Variants in PRKD1 observed in about 807,000 individuals in gnomAD.
The protein encoded by PRKD1 is serine/threonine-protein kinase D1.
Under a neutral mutation model 95.9 loss-of-function variants are expected in PRKD1, and 63 were observed. The observed-to-expected ratio is 0.66, with a 90% CI of 0.54 to 0.81. PRKD1 has a LOEUF of 0.81. PRKD1 is among the 30% of genes least tolerant of loss of function. PRKD1 has a pLI of 0.00. For missense variants in PRKD1, 1,048 were observed against 1,165.3 expected (o/e 0.90, Z 1.47); for synonymous variants, 425 against 423.1 (o/e 1.00, Z -0.05).
At chr14:29,822,850 C>G (rs1442598649) in intron 1 of PRKD1, among the ~76,000 whole-genome samples, 1 of 152,028 alleles carries the variant, frequency 6.6e-6, no homozygotes, top group African/African-American at 2.4e-5. Flanking sequence ...AGTTCAGTCC[C>G]ACAACATTCT....
At chr14:29,608,205 CTT>C (rs1351266647) in intron 13 of PRKD1, among the ~76,000 whole-genome samples, 1 of 151,916 alleles carries the variant, frequency 6.6e-6, no homozygotes, top group Non-Finnish European at 1.5e-5. Flanking sequence ...AAGACAGTAT[CTT>C]TATTTGTGAA....
chr14:29,822,303 C>T (rs1890945183), intron 1 of PRKD1, among the ~76,000 whole-genome samples: 1 of 152,170 alleles, frequency 6.6e-6, no homozygotes, highest in African/African-American at 2.4e-5. Flanking sequence ...CTATAGAATC[C>T]TTCAAGTGGT....
intron 13 of PRKD1, among the ~76,000 whole-genome samples, chr14:29,619,823 T>TA (rs2139075603): frequency 6.6e-6 from 1 of 152,168 alleles, no homozygotes; most frequent in African/African-American, 2.4e-5. Context: ...CTGACAATGG[T>TA]AAAAAGGACT....
chr14:29,680,285 T>C (rs1450180868), intron 2 of PRKD1, among the ~76,000 whole-genome samples: 1 of 152,200 alleles, frequency 6.6e-6, no homozygotes, highest in Non-Finnish European at 1.5e-5. Flanking sequence ...TACCATTATC[T>C]TTGAAGCTGA....
chr14:29,763,125 T>TAAA (rs36087571), intron 1 of PRKD1, among the ~76,000 whole-genome samples: 166 of 64,772 alleles, frequency 2.6e-3, no homozygotes, highest in Admixed American at 4.5e-3. Flanking sequence ...TCTCTAAAAT[T>TAAA]AAAAAAAAAA....
At position 29,826,812 on chromosome 14, in the gene PRKD1, T is replaced by C. The variant is rs1327327563; in HGVS notation, c.264+100437A>G. 2.7e-4 allele frequency among the ~76,000 whole-genome samples: 14 copies of C among 51,334 alleles called. 1 individual carries two copies. The highest frequency in any genetic ancestry group is 3.8e-4 in the African/African-American group (5 of 13,298). The allele number at this position is 51,334 out of a possible 152,430, so 33.7% of individuals were successfully genotyped here. On this transcript the variant is annotated intron_variant, in intron 1 of 17. Transcript: ENST00000331968. The stretch of plus-strand genomic sequence containing the variant: ...ATACACATATATATACACATATATA[T>C]ACACATATATATATATATATATATA...
chr14:29,751,643 A>G (rs1434963708), intron 1 of PRKD1, among the ~76,000 whole-genome samples: 1 of 152,192 alleles, frequency 6.6e-6, no homozygotes, highest in Non-Finnish European at 1.5e-5. Context: ...TGAGCTTTCT[A>G]TGACATATGG....
chr14:29,731,786 T>C (rs537616432), intron 1 of PRKD1, among the ~76,000 whole-genome samples: 2 of 152,308 alleles, frequency 1.3e-5, no homozygotes, highest in Admixed American at 6.5e-5. Flanking sequence ...TGTCATTCTT[T>C]AAATCCCTGT....
At chr14:29,725,771 G>A in intron 1 of PRKD1, 97 bp from the exon 2 acceptor site, 1 of 1,264,606 alleles carries the variant, frequency 7.9e-7, no homozygotes, top group Non-Finnish European at 1.1e-6. Context: ...AATTAGAAAA[G>A]TTCAAAGTAT....
intron 1 of PRKD1, among the ~76,000 whole-genome samples, chr14:29,752,258 A>T (rs1021408500): frequency 1.3e-5 from 2 of 152,158 alleles, no homozygotes; most frequent in Non-Finnish European, 2.9e-5. Flanking sequence ...TATAAAGAAC[A>T]TTTTTTTCAG....
At chr14:29,579,478 T>G (rs1892682457) in intron 16 of PRKD1, among the ~76,000 whole-genome samples, 1 of 152,018 alleles carries the variant, frequency 6.6e-6, no homozygotes, top group Non-Finnish European at 1.5e-5. Context: ...TAAACGAAAA[T>G]GAAAATTAAC....
At chr14:29,784,436 T>C (rs549067252) in intron 1 of PRKD1, among the ~76,000 whole-genome samples, 14 of 152,306 alleles carry the variant, frequency 9.2e-5, no homozygotes, top group Non-Finnish European at 2.1e-4. Context: ...AAGAATGTCA[T>C]TGGTATTTTG....
In PRKD1 at chr14:29,836,579, C is replaced by T. The variant is rs545647838; in HGVS notation, c.264+90670G>A. Among the ~76,000 whole-genome samples the T allele has an allele frequency of 3.7e-4, 57 of 152,214 alleles. No homozygotes were observed. In the South Asian group the frequency reaches 6.0e-3, roughly 16 times the overall value. On this transcript the variant is annotated intron_variant, in intron 1 of 17. Transcript: ENST00000331968. ...GACCATGCTAATGAAATGAGTAGTT[C>T]GTGTGAGTAGGCAGTGGGAACTACA...
At position 29,665,925 on chromosome 14, in the gene PRKD1, G is replaced by A. The variant is rs145786203; in HGVS notation, c.535+152C>T. The A allele has an allele frequency of 8.0e-3, 5,925 of 741,062 alleles. 30 individuals carry two copies. The highest frequency in any genetic ancestry group is 9.0e-3 in the Non-Finnish European group (4,503 of 499,082). 45.9% of individuals were successfully genotyped at this position (741,062 alleles called of 1,614,324 possible). ...TATATATACACACATATATATGTGCGTATATATATGTATATATGTACCACA... is the reference window on the plus strand; with the variant it reads ...TATATATACACACATATATATGTGCATATATATATGTATATATGTACCACA... On this transcript the variant is annotated intron_variant, in intron 3 of 17. Transcript: ENST00000331968.
intron 2 of PRKD1, among the ~76,000 whole-genome samples, chr14:29,719,961 C>T (rs573031864): frequency 2.6e-5 from 4 of 152,298 alleles, no homozygotes; most frequent in South Asian, 2.1e-4. Context: ...TTATGCTTCA[C>T]ATTAGCATGC....
chr14:29,861,229 G>C (rs751203114), intron 1 of PRKD1, among the ~76,000 whole-genome samples: 7 of 152,040 alleles, frequency 4.6e-5, no homozygotes, highest in Admixed American at 1.3e-4. Context: ...AGAAAAGAGG[G>C]CTTTCTGTTT....
chr14:29,806,617 T>C (rs1015444892), intron 1 of PRKD1, among the ~76,000 whole-genome samples: 13 of 152,152 alleles, frequency 8.5e-5, no homozygotes, highest in African/African-American at 3.1e-4. Context: ...CAGGTAAGTA[T>C]TAAAACAAAA....
intron 16 of PRKD1, among the ~76,000 whole-genome samples, chr14:29,585,606 T>C (rs1463425851): frequency 6.6e-6 from 1 of 152,194 alleles, no homozygotes; most frequent in Non-Finnish European, 1.5e-5. Context: ...CTGGACTTGG[T>C]TTCATTTTAA....
At chr14:29,611,575 T>G (rs1213636866) in intron 13 of PRKD1, among the ~76,000 whole-genome samples, 1 of 152,014 alleles carries the variant, frequency 6.6e-6, no homozygotes, top group African/African-American at 2.4e-5. Flanking sequence ...AGTATAATGT[T>G]GGAGAACCAG....
Sources: allele counts gnomAD v4.1 joint callset (sites outside exome capture counted in the v4.1 genomes callset), GRCh38; gene constraint gnomAD v4.1.1; transcripts MANE v1.5; gene names NCBI Gene and HGNC (gene_info 2026-07-23, HGNC 2026-07-21).